Variants in FRAS1 observed in about 807,000 individuals in gnomAD.
FRAS1 encodes Fraser extracellular matrix complex subunit 1.
In FRAS1, 290 loss-of-function variants were observed where a neutral mutation model predicts 435.2. The ratio of observed to expected loss-of-function variants is 0.67; its 90% CI spans 0.61 to 0.73. The LOEUF (loss-of-function observed/expected upper bound fraction) is 0.73, where lower values mean the gene tolerates loss of function less well. Ranked by LOEUF, FRAS1 falls within the 30% of genes least tolerant of loss-of-function variation. The pLI is 0.00. For missense variants in FRAS1, 4,860 were observed against 5,001.5 expected (o/e 0.97, Z 0.85); for synonymous variants, 1,800 against 1,851.0 (o/e 0.97, Z 0.71).
chr4:78,530,386 C>G (rs2109901917), intron 70 of FRAS1, among the ~76,000 whole-genome samples: 1 of 152,146 alleles, frequency 6.6e-6, no homozygotes, highest in South Asian at 2.1e-4. Flanking sequence ...GAGATTATTA[C>G]TTGCAGATGC....
At chr4:78,134,455 C>T (rs551344329) in intron 2 of FRAS1, among the ~76,000 whole-genome samples, 1 of 152,234 alleles carries the variant, frequency 6.6e-6, no homozygotes, top group Admixed American at 6.5e-5. Context: ...ATCATTTTTA[C>T]TTGTAGGATT....
chr4:78,292,425 G>A (rs1222888447), intron 14 of FRAS1, among the ~76,000 whole-genome samples: 2 of 152,168 alleles, frequency 1.3e-5, no homozygotes, highest in Non-Finnish European at 2.9e-5. Context: ...TTTACAACTA[G>A]GATGTTGACC....
intron 2 of FRAS1, among the ~76,000 whole-genome samples, chr4:78,213,164 T>A (rs1723590236): frequency 6.6e-6 from 1 of 152,180 alleles, no homozygotes; most frequent in Admixed American, 6.5e-5. Context: ...AAGGGAGAGA[T>A]CTAAGTGGCC....
intron 4 of FRAS1, among the ~76,000 whole-genome samples, chr4:78,250,997 A>T (rs1416497990): frequency 2.0e-5 from 3 of 152,140 alleles, no homozygotes; most frequent in African/African-American, 7.2e-5. Context: ...GCAATTTTTA[A>T]GATCAGTTTG....
intron 2 of FRAS1, among the ~76,000 whole-genome samples, chr4:78,170,950 A>G (rs1489188093): frequency 1.3e-5 from 2 of 151,400 alleles, no homozygotes; most frequent in Admixed American, 1.3e-4. Context: ...CTGGCATCCC[A>G]TTCCACTCTC....
chr4:78,399,331 T>C (rs1220133894), intron 29 of FRAS1, among the ~76,000 whole-genome samples: 1 of 152,144 alleles, frequency 6.6e-6, no homozygotes. Flanking sequence ...CAGAGTATTC[T>C]TCTCCTGGGA....
intron 2 of FRAS1, among the ~76,000 whole-genome samples, chr4:78,221,958 C>A (rs557399959): frequency 4.3e-4 from 66 of 152,306 alleles, no homozygotes; most frequent in Admixed American, 9.2e-4. Context: ...TACTGGAAGT[C>A]TCAGGTTTAT....
chr4:78,463,409 C>T (rs988680964), intron 47 of FRAS1, among the ~76,000 whole-genome samples: 1 of 152,116 alleles, frequency 6.6e-6, no homozygotes, highest in African/African-American at 2.4e-5. Context: ...AATAATTGCT[C>T]ATGCCCCAGA....
At chr4:78,120,694 C>T (rs1718960917) in intron 2 of FRAS1, among the ~76,000 whole-genome samples, 1 of 152,196 alleles carries the variant, frequency 6.6e-6, no homozygotes, top group Admixed American at 6.5e-5. Context: ...ATTAAGCACA[C>T]TCTTGTGGGT....
chr4:78,084,380 C>A (rs1008013865), intron 2 of FRAS1, among the ~76,000 whole-genome samples: 1 of 151,984 alleles, frequency 6.6e-6, no homozygotes, highest in Admixed American at 6.6e-5. Context: ...TTGATTGATT[C>A]CTTAGGCTGC....
intron 2 of FRAS1, among the ~76,000 whole-genome samples, chr4:78,158,863 G>A (rs1174360229): frequency 2.6e-5 from 4 of 152,146 alleles, no homozygotes; most frequent in Non-Finnish European, 5.9e-5. Context: ...TCCCGTTGGA[G>A]CATGGCTGTT....
At chr4:78,103,811 G>A (rs968574180) in intron 2 of FRAS1, among the ~76,000 whole-genome samples, 2 of 152,214 alleles carry the variant, frequency 1.3e-5, no homozygotes, top group Non-Finnish European at 2.9e-5. Context: ...CCAGAACTAT[G>A]AGAAATAAAT....
chr4:78,250,104 T>C (rs1725463572), intron 4 of FRAS1, among the ~76,000 whole-genome samples: 1 of 152,054 alleles, frequency 6.6e-6, no homozygotes, highest in African/African-American at 2.4e-5. Flanking sequence ...GATATATAAA[T>C]GACTCATTAG....
intron 14 of FRAS1, among the ~76,000 whole-genome samples, chr4:78,291,470 C>T (rs1727893759): frequency 6.6e-6 from 1 of 152,030 alleles, no homozygotes; most frequent in African/African-American, 2.4e-5. Context: ...GTTGTGTGGC[C>T]CAGTTTCTAA....
intron 38 of FRAS1, among the ~76,000 whole-genome samples, chr4:78,432,887 G>A (rs1214038251): frequency 2.0e-5 from 3 of 152,168 alleles, no homozygotes; most frequent in Admixed American, 1.3e-4. Flanking sequence ...AAAAGCCCAA[G>A]TTCCCATTGT....
intron 32 of FRAS1, among the ~76,000 whole-genome samples, chr4:78,415,450 T>G (rs1336843432): frequency 6.6e-6 from 1 of 152,160 alleles, no homozygotes; most frequent in African/African-American, 2.4e-5. Context: ...ATTCAGTGGA[T>G]CTGGTGTAGG....
intron 15 of FRAS1, among the ~76,000 whole-genome samples, chr4:78,313,832 G>A (rs1729129908): frequency 6.6e-6 from 1 of 152,028 alleles, no homozygotes; most frequent in South Asian, 2.1e-4. Context: ...TCTGTTCTCA[G>A]CCTGAGTCCT....
chr4:78,278,789 A>G (rs771584279), intron 10 of FRAS1, 45 bp downstream of exon 10: 3 of 1,105,286 alleles, frequency 2.7e-6, no homozygotes, highest in South Asian at 1.3e-5. Flanking sequence ...AATTAATTCA[A>G]AATTAATCTA....
At chr4:78,063,085 C>T (rs757517056) in intron 1 of FRAS1, among the ~76,000 whole-genome samples, 4 of 151,984 alleles carry the variant, frequency 2.6e-5, no homozygotes, top group Admixed American at 1.3e-4. Context: ...TAAATATAAA[C>T]GTCAAATAGA....
Sources: allele counts gnomAD v4.1 joint callset (sites outside exome capture counted in the v4.1 genomes callset), GRCh38; gene constraint gnomAD v4.1.1; transcripts MANE v1.5; gene names NCBI Gene and HGNC (gene_info 2026-07-23, HGNC 2026-07-21).